Variants in CALN1 observed in about 807,000 individuals in gnomAD.
The protein encoded by CALN1 is calneuron 1, also known as calcium-binding protein 8.
A neutral mutation model predicts 30.6 loss-of-function variants in CALN1; 17 were observed. The observed-to-expected ratio is 0.56, with a 90% confidence interval of 0.38 to 0.83. The LOEUF is 0.83. Ranked by LOEUF, CALN1 falls within the 40% of genes least tolerant of loss-of-function variation. The pLI is 0.00. For synonymous variants in CALN1, 156 were observed against 131.4 expected (o/e 1.19, Z -1.28); for missense variants, 291 against 354.9 (o/e 0.82, Z 1.45).
At chr7:72,241,003 T>A (rs536483489) in intron 3 of CALN1, among the ~76,000 whole-genome samples, 1 of 152,346 alleles carries the variant, frequency 6.6e-6, no homozygotes, top group Non-Finnish European at 1.5e-5. Context: ...ACTCCCCGCA[T>A]TATCAGAGTC....
intron 5 of CALN1, among the ~76,000 whole-genome samples, chr7:71,878,767 T>C (rs1397955902): frequency 3.3e-5 from 5 of 152,142 alleles, no homozygotes; most frequent in African/African-American, 7.2e-5. Context: ...ATCATCACAA[T>C]AGTAATGATT....
chr7:72,189,767 C>CAAAA lies in CALN1; in HGVS notation c.245-83477_245-83474dup, dbSNP rs56087252. On this transcript the variant is annotated intron_variant, in intron 3 of 6. Transcript: ENST00000395275. ...TAGGCGACAGCGCCAGACTTTGTCT[C>CAAAA]AAAAAAAAAAAAAAAAAAAATTTAC... Among the ~76,000 whole-genome samples the CAAAA allele has an allele frequency of 3.5e-4, 46 of 130,926 alleles. 1 individual carries two copies. The highest frequency in any genetic ancestry group is 1.8e-3 in the East Asian group (7 of 3,826). The allele number at this position is 130,926 out of a possible 152,430, so 85.9% of individuals were successfully genotyped here.
intron 4 of CALN1, among the ~76,000 whole-genome samples, chr7:72,088,815 AT>A (rs1256581213): frequency 1.5e-5 from 2 of 135,610 alleles, no homozygotes; most frequent in African/African-American, 5.4e-5. Flanking sequence ...CGGCCCAAGA[AT>A]TTTTTATCTA....
chr7:72,201,326 C>T (rs1379046725), intron 3 of CALN1, among the ~76,000 whole-genome samples: 2 of 152,110 alleles, frequency 1.3e-5, no homozygotes, highest in East Asian at 1.9e-4. Flanking sequence ...CGGTGGCTCA[C>T]GTCTGTAATC....
At chr7:72,295,087 C>A (rs921903134) in intron 2 of CALN1, among the ~76,000 whole-genome samples, 4 of 151,932 alleles carry the variant, frequency 2.6e-5, no homozygotes, top group African/African-American at 9.7e-5. Context: ...ATGGGTGCAC[C>A]CAAATCTCAC....
intron 3 of CALN1, among the ~76,000 whole-genome samples, chr7:72,205,875 A>T (rs1791840074): frequency 6.6e-6 from 1 of 152,038 alleles, no homozygotes; most frequent in African/African-American, 2.4e-5. Context: ...GAAAGAACCC[A>T]ACAATTATCT....
At chr7:72,160,593 T>C (rs1040648934) in intron 3 of CALN1, among the ~76,000 whole-genome samples, 1 of 152,234 alleles carries the variant, frequency 6.6e-6, no homozygotes, top group African/African-American at 2.4e-5. Flanking sequence ...CACTTTATTT[T>C]TATGCAACAC....
At chr7:72,498,369 T>C in the CALN1 span, among the ~76,000 whole-genome samples, 1 of 151,784 alleles carries the variant, frequency 6.6e-6, no homozygotes, top group Non-Finnish European at 1.5e-5. Context: ...AAAAAAAACT[T>C]ATACCTAGCC....
chr7:72,085,499 G>C (rs1029668773), intron 4 of CALN1, among the ~76,000 whole-genome samples: 5 of 151,894 alleles, frequency 3.3e-5, no homozygotes, highest in African/African-American at 1.2e-4. Context: ...TTTATGTATA[G>C]GAAAAAGCAT....
At chr7:72,475,933 CTCTCTCTCTTTTTTTTTT>C in the CALN1 span, among the ~76,000 whole-genome samples, 2 of 139,818 alleles carry the variant, frequency 1.4e-5, no homozygotes, top group African/African-American at 5.8e-5. Context: ...CTCTCTCCCT[CTCTCTCTCTTTTTTTTTT>C]TTTTTTTTTT....
chr7:72,499,269 G>T, the CALN1 span, among the ~76,000 whole-genome samples: 1 of 152,052 alleles, frequency 6.6e-6, no homozygotes, highest in Non-Finnish European at 1.5e-5. Context: ...GACTTCAAGC[G>T]ATCCACCCAC....
chr7:71,971,253 A>T (rs1044626339), intron 5 of CALN1, among the ~76,000 whole-genome samples: 23 of 152,224 alleles, frequency 1.5e-4, no homozygotes, highest in African/African-American at 5.5e-4. Context: ...GTTCAAGACC[A>T]GCCTGGCCAA....
chr7:72,317,711 C>T lies in CALN1; in HGVS notation c.120-38901G>A, dbSNP rs1217414217. Among the ~76,000 whole-genome samples the T allele has an allele frequency of 3.3e-5, 5 of 152,106 alleles. No individual in the cohort carries two copies. The East Asian group carries it at 5.8e-4, about 18-fold the overall frequency. On this transcript the variant is annotated intron_variant, in intron 2 of 6. Coordinates refer to ENST00000395275, the MANE Select transcript of CALN1 (RefSeq NM_031468.4). Reference sequence around the variant, plus strand: ...TGCTAGGCTGAGAGGAAAGAAAGGGCTGAGGTTAGGGATTTGAGGAGAACA... The same window carrying T: ...TGCTAGGCTGAGAGGAAAGAAAGGGTTGAGGTTAGGGATTTGAGGAGAACA...
intron 4 of CALN1, among the ~76,000 whole-genome samples, chr7:72,101,509 C>A (rs1806664841): frequency 6.6e-6 from 1 of 152,132 alleles, no homozygotes; most frequent in South Asian, 2.1e-4. Context: ...CACCATCAAT[C>A]AGAATTGGGA....
chr7:72,157,576 A>C (rs553063076), intron 3 of CALN1, among the ~76,000 whole-genome samples: 2 of 149,610 alleles, frequency 1.3e-5, no homozygotes, highest in Non-Finnish European at 3.0e-5. Flanking sequence ...AAGACAGGGG[A>C]AAAAAAAAAC....
At chr7:71,828,522 T>A (rs1789063225) in intron 5 of CALN1, among the ~76,000 whole-genome samples, 1 of 151,986 alleles carries the variant, frequency 6.6e-6, no homozygotes. Context: ...CAAATCTGCC[T>A]CCCATTGTAT....
In CALN1 at chr7:72,352,154, G is replaced by A. The variant is rs145975675; in HGVS notation, c.119+51097C>T. 5.8e-3 allele frequency among the ~76,000 whole-genome samples: 867 copies of A among 150,630 alleles called. 7 individuals carry two copies. Among genetic ancestry groups the A allele is most frequent in the African/African-American group, 0.02 (809 of 40,612 alleles). On this transcript the variant is annotated intron_variant, in intron 2 of 6. Coordinates refer to ENST00000395275, the MANE Select transcript of CALN1 (RefSeq NM_031468.4). ...TGCACTCCAGCCTGGGTGACACAGC[G>A]AGACTCCGTCTCAAAACAAACAAAC...
At chr7:72,458,854 A>G in the CALN1 span, among the ~76,000 whole-genome samples, 1 of 137,022 alleles carries the variant, frequency 7.3e-6, no homozygotes, top group Non-Finnish European at 1.5e-5. Context: ...TATATATAAT[A>G]TATTTTTATA....
At chr7:72,144,460 C>A (rs1459538155) in intron 3 of CALN1, among the ~76,000 whole-genome samples, 1 of 152,074 alleles carries the variant, frequency 6.6e-6, no homozygotes, top group Admixed American at 6.6e-5. Flanking sequence ...ACAGGAGCAC[C>A]CAGATTCATA....
Sources: allele counts gnomAD v4.1 joint callset (sites outside exome capture counted in the v4.1 genomes callset), GRCh38; gene constraint gnomAD v4.1.1; transcripts MANE v1.5; gene names NCBI Gene and HGNC (gene_info 2026-07-23, HGNC 2026-07-21).